HLTF: variants seen among roughly 807,000 people sequenced by gnomAD.
HLTF encodes the protein helicase like transcription factor.
In HLTF, 127 loss-of-function variants were observed where a neutral mutation model predicts 129.4. The ratio of observed to expected loss-of-function variants is 0.98; its 90% CI spans 0.85 to 1.14. The LOEUF is 1.14. Among genes scored for constraint, HLTF ranks in the 50% most tolerant of loss-of-function variants. The pLI, the probability that HLTF is intolerant of heterozygous loss-of-function variation, is 0.00. For missense variants in HLTF, 1,139 were observed against 1,187.1 expected, an observed-to-expected ratio of 0.96 and a Z score of 0.60; for synonymous variants, 332 against 388.8, an observed-to-expected ratio of 0.85 and a Z score of 1.72.
intron 14 of HLTF, 125 bp from the exon 15 acceptor site, chr3:149,050,500 A>C (rs1209525841): frequency 1.1e-5 from 6 of 541,716 alleles, no homozygotes; most frequent in Non-Finnish European, 9.7e-6. Flanking sequence ...TATGAAATCA[A>C]GTTTCCTTCA....
chr3:149,039,711 A>AC lies in HLTF; in HGVS notation c.2503-19_2503-18insG. On this transcript the variant is annotated intron_variant, in intron 21 of 24. Transcript: ENST00000310053. ...GCATTAATCTGCAAAAAATATTAAG[A>AC]TGTCCATTAGATTCCATTTTAAATC... 1 of 1,270,048 alleles carries AC rather than the reference A, an allele frequency of 7.9e-7. No individual in the cohort carries two copies. Among genetic ancestry groups the AC allele is most frequent in the South Asian group, 1.3e-5 (1 of 74,214 alleles). 78.7% of individuals were successfully genotyped at this position (1,270,048 alleles called of 1,614,324 possible).
In HLTF at chr3:149,059,701, C is replaced by A; in HGVS notation, c.1375+17G>T. On this transcript the variant is annotated intron_variant, in intron 13 of 24. Transcript: ENST00000310053. ...AGAAAAAAAACCAAAAACTAGAAAACAAGGATATTTACTGACCCTTTTTCA... is the reference window on the plus strand; with the variant it reads ...AGAAAAAAAACCAAAAACTAGAAAAAAAGGATATTTACTGACCCTTTTTCA... The A allele has an allele frequency of 6.8e-7, 1 of 1,460,578 alleles. No individual in the cohort carries two copies. The highest frequency in any genetic ancestry group is 2.3e-5 in the East Asian group (1 of 42,708). The allele number at this position is 1,460,578 out of a possible 1,614,324, so 90.5% of individuals were successfully genotyped here.
intron 20 of HLTF, chr3:149,040,366 A>C: frequency 2.1e-6 from 1 of 465,698 alleles, no homozygotes; most frequent in South Asian, 2.7e-5. Flanking sequence ...GGAGGGAGCA[A>C]AAGTATGTGA....
chr3:149,050,439 A>T, intron 14 of HLTF, 64 bp from the exon 15 acceptor site: 1 of 1,132,122 alleles, frequency 8.8e-7, no homozygotes, highest in Non-Finnish European at 1.2e-6. Context: ...ATAGATGTAT[A>T]AAAAAGTAAC....
At chr3:149,061,397 C>A (rs1021646856) in intron 10 of HLTF, among the ~76,000 whole-genome samples, 1 of 149,744 alleles carries the variant, frequency 6.7e-6, no homozygotes, top group African/African-American at 2.5e-5. Flanking sequence ...CCTGACAGAG[C>A]GACACTCCAT....
At chr3:149,066,510 C>T (rs1718391781) in intron 8 of HLTF, among the ~76,000 whole-genome samples, 1 of 151,164 alleles carries the variant, frequency 6.6e-6, no homozygotes, top group Admixed American at 6.6e-5. Context: ...AATATCTAAA[C>T]ATACTTGAAA....
chr3:149,050,219 C>T lies in HLTF; in HGVS notation c.1617+13G>A. 1 of 1,493,014 alleles carries T rather than the reference C, an allele frequency of 6.7e-7. No individual in the cohort carries two copies. Among genetic ancestry groups the T allele is most frequent in the Non-Finnish European group, 9.2e-7 (1 of 1,085,120 alleles). 92.5% of individuals were successfully genotyped at this position (1,493,014 alleles called of 1,614,324 possible). On this transcript the variant is annotated intron_variant, in intron 15 of 24. Transcript: ENST00000310053. ...AATCTTTAAAAGATCTGTTAAGTATCAACAATACTTACTCCATAGTCATGA... is the reference window on the plus strand; with the variant it reads ...AATCTTTAAAAGATCTGTTAAGTATTAACAATACTTACTCCATAGTCATGA...
At chr3:149,058,732 T>C (rs1717679049) in intron 13 of HLTF, among the ~76,000 whole-genome samples, 1 of 152,204 alleles carries the variant, frequency 6.6e-6, no homozygotes, top group Non-Finnish European at 1.5e-5. Context: ...TCTGTCTCCA[T>C]TCACAGAGTT....
At chr3:149,043,544 A>AGG (rs1553738372) in intron 18 of HLTF, among the ~76,000 whole-genome samples, 2 of 134,950 alleles carry the variant, frequency 1.5e-5, no homozygotes. Context: ...TGAACTTCAG[A>AGG]GGGAAAAAAA....
intron 8 of HLTF, among the ~76,000 whole-genome samples, chr3:149,066,682 TA>T (rs1377945171): frequency 6.6e-6 from 1 of 152,162 alleles, no homozygotes; most frequent in African/African-American, 2.4e-5. Flanking sequence ...GAGAAATCCT[TA>T]TTGTTAATTG....
intron 20 of HLTF, 137 bp downstream of exon 20, chr3:149,041,353 T>C (rs950768331): frequency 6.4e-6 from 3 of 466,664 alleles, no homozygotes; most frequent in Non-Finnish European, 7.3e-6. Flanking sequence ...TATCACCTAT[T>C]AAAATACTGG....
chr3:149,046,519 G>C (rs71304443), intron 17 of HLTF, among the ~76,000 whole-genome samples: 4,030 of 151,836 alleles, frequency 0.027, 67 homozygotes, highest in South Asian at 0.052. Flanking sequence ...CCTTATTTTC[G>C]TAAGTTCTGT....
At chr3:149,041,696 C>T (rs1470860620) in intron 19 of HLTF, 28 bp from the exon 20 acceptor site, 1 of 1,512,920 alleles carries the variant, frequency 6.6e-7, no homozygotes, top group African/African-American at 1.4e-5. Flanking sequence ...AAATTAATTT[C>T]AGAGCAAGGT....
chr3:149,039,278 A>T, intron 22 of HLTF, 49 bp from the exon 23 acceptor site: 3 of 1,288,990 alleles, frequency 2.3e-6, no homozygotes, highest in Non-Finnish European at 3.1e-6. Flanking sequence ...TTATTATAAA[A>T]ATAAAACAAA....
chr3:149,051,373 A>G (rs933333973), intron 14 of HLTF, among the ~76,000 whole-genome samples: 1 of 152,178 alleles, frequency 6.6e-6, no homozygotes, highest in African/African-American at 2.4e-5. Context: ...TTACCTATAG[A>G]TAGAAGTGAG....
chr3:149,081,040 T>TA (rs910702260), intron 2 of HLTF, among the ~76,000 whole-genome samples: 7 of 152,180 alleles, frequency 4.6e-5, no homozygotes, highest in Non-Finnish European at 7.4e-5. Context: ...TATATATGCT[T>TA]AAATACACAA....
At chr3:149,062,102 T>C (rs6771107) in intron 10 of HLTF, among the ~76,000 whole-genome samples, 45,601 of 152,068 alleles carry the variant, frequency 0.3, 6,805 homozygotes, top group East Asian at 0.33. Flanking sequence ...CTTCAATGCC[T>C]GTTTCCTCAT....
At chr3:149,078,007 A>C (rs1576625576) in intron 2 of HLTF, among the ~76,000 whole-genome samples, 2 of 152,036 alleles carry the variant, frequency 1.3e-5, no homozygotes, top group South Asian at 4.2e-4. Context: ...TCAGCAACAA[A>C]CCACCCTAGA....
intron 2 of HLTF, among the ~76,000 whole-genome samples, chr3:149,080,750 T>C (rs1006181364): frequency 4.6e-5 from 7 of 152,020 alleles, no homozygotes; most frequent in Non-Finnish European, 7.4e-5. Context: ...AAATAAAATA[T>C]ATATGAGCCA....
Sources: allele counts gnomAD v4.1 joint callset (sites outside exome capture counted in the v4.1 genomes callset), GRCh38; gene constraint gnomAD v4.1.1; transcripts MANE v1.5; gene names NCBI Gene and HGNC (gene_info 2026-07-23, HGNC 2026-07-21).